Variants in DDX10 observed in about 807,000 individuals in gnomAD.
DDX10 encodes the protein probable ATP-dependent RNA helicase DDX10.
In DDX10, 74 loss-of-function variants were observed where a neutral mutation model predicts 104.3. The observed-to-expected ratio is 0.71, with a 90% CI of 0.59 to 0.86. The LOEUF is 0.86. Ranked by LOEUF, DDX10 falls within the 40% of genes least tolerant of loss-of-function variation. DDX10 has a pLI of 0.00. For missense variants in DDX10, 952 were observed against 1,040.0 expected (o/e 0.92, Z 1.16); for synonymous variants, 351 against 353.4 (o/e 0.99, Z 0.08).
chr11:108,701,699 T>TTC (rs2094268371), intron 9 of DDX10, among the ~76,000 whole-genome samples: 1 of 132,152 alleles, frequency 7.6e-6, no homozygotes, highest in Admixed American at 7.7e-5. Context: ...TTTTTTTTTT[T>TTC]TGTGACTGAG....
intron 13 of DDX10, among the ~76,000 whole-genome samples, chr11:108,809,897 T>G (rs1022758195): frequency 2.6e-5 from 4 of 152,094 alleles, no homozygotes; most frequent in African/African-American, 9.7e-5. Context: ...ATTGATAGAG[T>G]TTTATACACC....
At chr11:108,797,771 C>T (rs997374178) in intron 13 of DDX10, among the ~76,000 whole-genome samples, 1 of 152,148 alleles carries the variant, frequency 6.6e-6, no homozygotes, top group African/African-American at 2.4e-5. Context: ...TCAAATGTTT[C>T]CCAGATGAGG....
intron 13 of DDX10, among the ~76,000 whole-genome samples, chr11:108,740,651 AT>A (rs144890518): frequency 6.6e-6 from 1 of 150,876 alleles, no homozygotes; most frequent in Non-Finnish European, 1.5e-5. Flanking sequence ...AGTGTCTGTT[AT>A]TTTTTTTTAC....
chr11:108,901,040 A>C (rs1050440214), intron 16 of DDX10, among the ~76,000 whole-genome samples: 2 of 151,954 alleles, frequency 1.3e-5, no homozygotes, highest in Non-Finnish European at 2.9e-5. Flanking sequence ...ATCTGCCACC[A>C]CCACCACCTT....
chr11:108,748,113 A>G (rs1440386949), intron 13 of DDX10, among the ~76,000 whole-genome samples: 1 of 152,194 alleles, frequency 6.6e-6, no homozygotes, highest in African/African-American at 2.4e-5. Context: ...GAAACTTACA[A>G]GAAAAAACTG....
intron 13 of DDX10, among the ~76,000 whole-genome samples, chr11:108,769,455 AAGT>A (rs1472010710): frequency 2.6e-5 from 4 of 152,128 alleles, no homozygotes; most frequent in African/African-American, 9.7e-5. Context: ...TCTTAAAAAA[AAGT>A]AGTATCTCAT....
chr11:108,928,833 A>G (rs1863941150), intron 17 of DDX10, among the ~76,000 whole-genome samples: 1 of 152,210 alleles, frequency 6.6e-6, no homozygotes, highest in South Asian at 2.1e-4. Context: ...AAATGAGTAT[A>G]TACATTGATA....
chr11:108,753,001 T>C (rs763945388), intron 13 of DDX10, among the ~76,000 whole-genome samples: 57 of 152,228 alleles, frequency 3.7e-4, no homozygotes, highest in South Asian at 2.1e-3. Flanking sequence ...TGAATTCTGC[T>C]AGCCAAGCTA....
intron 16 of DDX10, among the ~76,000 whole-genome samples, chr11:108,914,647 T>C (rs1158791811): frequency 6.6e-6 from 1 of 152,052 alleles, no homozygotes; most frequent in Non-Finnish European, 1.5e-5. Context: ...TACAAAAATA[T>C]TAGACATGGA....
Position 108,780,886 on chromosome 11 carries a change from C to T in DDX10, c.1965+57424C>T, listed in dbSNP as rs73009338. Among the ~76,000 whole-genome samples the T allele has an allele frequency of 9.5e-3, 1,449 of 152,092 alleles. 18 individuals carry two copies. Among genetic ancestry groups the T allele is most frequent in the Non-Finnish European group, 0.017 (1,178 of 67,972 alleles). Reference sequence around the variant, plus strand: ...CAGCTGATTCACTTATAAACAAGCTCGTTTAGTGGAATTGGACTAAATGAA... The same window carrying T: ...CAGCTGATTCACTTATAAACAAGCTTGTTTAGTGGAATTGGACTAAATGAA... On this transcript the variant is annotated intron_variant, in intron 13 of 17. Coordinates refer to ENST00000322536, the MANE Select transcript of DDX10 (RefSeq NM_004398.4).
At chr11:108,801,754 C>T (rs1306852510) in intron 13 of DDX10, among the ~76,000 whole-genome samples, 1 of 151,738 alleles carries the variant, frequency 6.6e-6, no homozygotes, top group Non-Finnish European at 1.5e-5. Flanking sequence ...TTTTTAAACA[C>T]CGAAATCTAT....
At chr11:108,737,182 CATT>C (rs1244623545) in intron 13 of DDX10, among the ~76,000 whole-genome samples, 2 of 152,142 alleles carry the variant, frequency 1.3e-5, no homozygotes, top group Admixed American at 6.5e-5. Context: ...TTCCTCAACA[CATT>C]ATGATCAGAA....
intron 16 of DDX10, among the ~76,000 whole-genome samples, chr11:108,904,725 GT>G (rs551378268): frequency 4.6e-4 from 67 of 145,360 alleles, no homozygotes; most frequent in South Asian, 1.3e-3. Context: ...TTCCGTCAGG[GT>G]TTTTTTTTTT....
intron 1 of DDX10, among the ~76,000 whole-genome samples, chr11:108,667,140 A>C (rs1405346809): frequency 6.6e-6 from 1 of 152,208 alleles, no homozygotes; most frequent in Non-Finnish European, 1.5e-5. Flanking sequence ...TTCTCTGTAA[A>C]TGATAGTGAA....
chr11:108,888,419 A>G (rs935735033), intron 16 of DDX10, among the ~76,000 whole-genome samples: 2 of 152,166 alleles, frequency 1.3e-5, no homozygotes, highest in Non-Finnish European at 2.9e-5. Context: ...TTTCTTTACT[A>G]TACAGAAGCC....
At chr11:108,812,979 TAA>T (rs60528070) in intron 13 of DDX10, among the ~76,000 whole-genome samples, 2 of 66,472 alleles carry the variant, frequency 3.0e-5, no homozygotes, top group Non-Finnish European at 5.8e-5. Context: ...GACTCCATCT[TAA>T]AAAAAAAAAA....
At chr11:108,743,207 A>G (rs1247856369) in intron 13 of DDX10, among the ~76,000 whole-genome samples, 1 of 152,186 alleles carries the variant, frequency 6.6e-6, no homozygotes, top group Non-Finnish European at 1.5e-5. Context: ...TATCCCTGGG[A>G]TACAAGGTTG....
chr11:108,715,858 C>A (rs1343780069), intron 10 of DDX10, 21 bp from the exon 11 acceptor site: 1 of 1,273,074 alleles, frequency 7.9e-7, no homozygotes, highest in South Asian at 1.3e-5. Context: ...TTATTTTAAC[C>A]TTTATCTTTT....
At chr11:108,762,857 C>T (rs574031791) in intron 13 of DDX10, among the ~76,000 whole-genome samples, 16 of 152,274 alleles carry the variant, frequency 1.1e-4, no homozygotes, top group African/African-American at 3.1e-4. Context: ...TTTCCTTTCT[C>T]GGACAATAAT....
Sources: allele counts gnomAD v4.1 joint callset (sites outside exome capture counted in the v4.1 genomes callset), GRCh38; gene constraint gnomAD v4.1.1; transcripts MANE v1.5; gene names NCBI Gene and HGNC (gene_info 2026-07-23, HGNC 2026-07-21).